Variants in SLIT2 observed in about 807,000 individuals in gnomAD.
SLIT2 encodes the protein slit guidance ligand 2, also known as slit homolog 2 protein.
SLIT2 carries 41 observed loss-of-function variants against 185.7 expected under a neutral mutation model. The observed-to-expected ratio is 0.22, with a 90% CI of 0.17 to 0.29. SLIT2 has a LOEUF of 0.29. SLIT2 is among the 10% of genes least tolerant of loss of function. SLIT2 has a pLI of 1.00. For missense variants in SLIT2, 1,571 were observed against 1,909.0 expected (o/e 0.82, Z 3.30); for synonymous variants, 693 against 680.2 (o/e 1.02, Z -0.29).
chr4:20,291,828 T>C (rs1291212380), intron 4 of SLIT2, among the ~76,000 whole-genome samples: 1 of 152,040 alleles, frequency 6.6e-6, no homozygotes, highest in African/African-American at 2.4e-5. Context: ...AGCTTTCTTT[T>C]GATCTCATTT....
At chr4:20,472,273 T>TATCTATAG (rs1715188222) in intron 5 of SLIT2, among the ~76,000 whole-genome samples, 1 of 35,004 alleles carries the variant, frequency 2.9e-5, no homozygotes, top group East Asian at 1.8e-3. Flanking sequence ...TATAGATATA[T>TATCTATAG]ATCTATATAT....
chr4:20,309,001 C>G (rs1422354399), intron 4 of SLIT2, among the ~76,000 whole-genome samples: 4 of 151,842 alleles, frequency 2.6e-5, no homozygotes, highest in African/African-American at 9.7e-5. Flanking sequence ...TTATGCCATT[C>G]CTAAGGTATT....
intron 4 of SLIT2, among the ~76,000 whole-genome samples, chr4:20,450,014 G>T (rs919228393): frequency 6.6e-6 from 1 of 152,204 alleles, no homozygotes; most frequent in African/African-American, 2.4e-5. Context: ...AACTTGGCAA[G>T]AGTATAGTTA....
At chr4:20,591,900 TC>T (rs978533357) in intron 30 of SLIT2, among the ~76,000 whole-genome samples, 2 of 152,090 alleles carry the variant, frequency 1.3e-5, no homozygotes, top group African/African-American at 2.4e-5. Flanking sequence ...ATTAAATATC[TC>T]CTCTCGCCAT....
chr4:20,257,091 A>C (rs1041603252), intron 2 of SLIT2, among the ~76,000 whole-genome samples: 2 of 152,140 alleles, frequency 1.3e-5, no homozygotes, highest in African/African-American at 4.8e-5. Context: ...AAATTAACTA[A>C]AATATTTAAG....
chr4:20,467,532 G>A (rs1057495883), intron 4 of SLIT2, among the ~76,000 whole-genome samples: 4 of 151,796 alleles, frequency 2.6e-5, no homozygotes, highest in African/African-American at 9.7e-5. Flanking sequence ...TAAAGATCTA[G>A]AAGCATACTT....
chr4:20,424,149 A>G (rs1207927328), intron 4 of SLIT2, among the ~76,000 whole-genome samples: 2 of 152,098 alleles, frequency 1.3e-5, no homozygotes, highest in African/African-American at 4.8e-5. Context: ...TTTTCCATCA[A>G]CTACTGCCAC....
At chr4:20,530,791 A>G (rs993868837) in intron 16 of SLIT2, among the ~76,000 whole-genome samples, 21 of 152,132 alleles carry the variant, frequency 1.4e-4, no homozygotes, top group African/African-American at 9.7e-5. Flanking sequence ...AATTTAGATT[A>G]AAAGGTATTT....
intron 4 of SLIT2, among the ~76,000 whole-genome samples, chr4:20,423,485 G>C (rs1448223081): frequency 1.3e-5 from 2 of 151,724 alleles, no homozygotes; most frequent in East Asian, 3.9e-4. Flanking sequence ...GAAATACAAA[G>C]TTTAACATGT....
chr4:20,486,341 T>A, intron 7 of SLIT2, 70 bp downstream of exon 7: 1 of 912,546 alleles, frequency 1.1e-6, no homozygotes, highest in Non-Finnish European at 1.8e-6. Context: ...GCATGTTCAG[T>A]AAGCAAAGGA....
intron 9 of SLIT2, among the ~76,000 whole-genome samples, chr4:20,509,784 A>C (rs185936576): frequency 3.0e-4 from 45 of 152,318 alleles, no homozygotes; most frequent in African/African-American, 1.0e-3. Flanking sequence ...CTCTGTTAGC[A>C]GGACCATAGA....
At chr4:20,567,001 A>G (rs1244215536) in intron 26 of SLIT2, among the ~76,000 whole-genome samples, 1 of 151,946 alleles carries the variant, frequency 6.6e-6, no homozygotes, top group Non-Finnish European at 1.5e-5. Flanking sequence ...TGACACTGGC[A>G]CCATTAACAT....
At chr4:20,309,587 T>C (rs1478892573) in intron 4 of SLIT2, among the ~76,000 whole-genome samples, 1 of 152,004 alleles carries the variant, frequency 6.6e-6, no homozygotes, top group Non-Finnish European at 1.5e-5. Context: ...TGTAAGATCC[T>C]ATTTCTCTCC....
chr4:20,548,366 C>A, intron 22 of SLIT2, 122 bp from the exon 23 acceptor site: 1 of 601,238 alleles, frequency 1.7e-6, no homozygotes. Flanking sequence ...TTATTGTTTT[C>A]AGATAACAGC....
chr4:20,315,869 T>C (rs2109147685), intron 4 of SLIT2, among the ~76,000 whole-genome samples: 1 of 152,206 alleles, frequency 6.6e-6, no homozygotes, highest in South Asian at 2.1e-4. Flanking sequence ...ATACATTTAT[T>C]GTGTATTCTA....
At chr4:20,382,633 C>T (rs1724617268) in intron 4 of SLIT2, among the ~76,000 whole-genome samples, 1 of 151,958 alleles carries the variant, frequency 6.6e-6, no homozygotes, top group Non-Finnish European at 1.5e-5. Flanking sequence ...CTGAAAACAG[C>T]ATTGCTGCGA....
chr4:20,294,787 G>A (rs1407925047), intron 4 of SLIT2, among the ~76,000 whole-genome samples: 1 of 152,138 alleles, frequency 6.6e-6, no homozygotes, highest in African/African-American at 2.4e-5. Context: ...GTCTTCTGAG[G>A]TTCATAAAAC....
chr4:20,428,459 A>G (rs1300199039), intron 4 of SLIT2, among the ~76,000 whole-genome samples: 1 of 152,062 alleles, frequency 6.6e-6, no homozygotes, highest in Non-Finnish European at 1.5e-5. Context: ...GTTTTTTGTT[A>G]TTGTGAACTA....
chr4:20,403,557 A>G (rs1465922006), intron 4 of SLIT2, among the ~76,000 whole-genome samples: 2 of 151,910 alleles, frequency 1.3e-5, no homozygotes, highest in Non-Finnish European at 2.9e-5. Flanking sequence ...CCCATTGGGG[A>G]AATTGAATTG....
Sources: gnomAD v4.1 joint callset for allele counts (sites outside exome capture counted in the v4.1 genomes callset) on GRCh38, gnomAD v4.1.1 for gene constraint, MANE v1.5 for transcripts, NCBI Gene and HGNC (gene_info 2026-07-23, HGNC 2026-07-21) for gene names.